ITGA1: variants seen among roughly 807,000 people sequenced by gnomAD.
ITGA1 encodes integrin subunit alpha 1.
In ITGA1, 85 loss-of-function variants were observed where a neutral mutation model predicts 145.9. The observed-to-expected ratio is 0.58, with a 90% confidence interval of 0.49 to 0.70. The LOEUF (loss-of-function observed/expected upper bound fraction) is 0.70. Among genes scored for constraint, ITGA1 ranks in the 30% least tolerant of loss-of-function variants. ITGA1 has a pLI of 0.00. For synonymous variants in ITGA1, 520 were observed against 495.3 expected (o/e 1.05, Z -0.66); for missense variants, 1,351 against 1,418.7 (o/e 0.95, Z 0.77).
chr5:52,788,322 C>G lies in ITGA1; in HGVS notation c.-32C>G, dbSNP rs933086657. 4 of 1,485,434 alleles carry G rather than the reference C, an allele frequency of 2.7e-6. No individual in the cohort carries two copies. The African/African-American group carries it at 5.8e-5, about 22-fold the overall frequency. 92.0% of individuals were successfully genotyped at this position (1,485,434 alleles called of 1,614,324 possible). On this transcript the variant is annotated 5_prime_UTR_variant, in exon 1 of 29. Coordinates refer to ENST00000282588, the MANE Select transcript of ITGA1 (RefSeq NM_181501.2). ...CGCCCGGTCCTGCCCTGCGAACCAGCGCGGCCCCCTGGCGCTGAGGCTGCT... is the reference window on the plus strand; with the variant it reads ...CGCCCGGTCCTGCCCTGCGAACCAGGGCGGCCCCCTGGCGCTGAGGCTGCT...
intron 13 of ITGA1, 137 bp from the exon 14 acceptor site, chr5:52,910,025 C>A: frequency 2.4e-6 from 2 of 818,222 alleles, no homozygotes; most frequent in Non-Finnish European, 1.9e-6. Context: ...GATAGGCACA[C>A]TTTTTAAGAA....
At position 52,954,980 on chromosome 5, in the gene ITGA1, T is replaced by G. The variant is rs1751281440; in HGVS notation, c.*2529T>G. 1 of 152,214 alleles carries G rather than the reference T, an allele frequency of 6.6e-6. No homozygotes were observed. Among genetic ancestry groups the G allele is most frequent in the South Asian group, 2.1e-4 (1 of 4,830 alleles). 9.4% of individuals were successfully genotyped at this position (152,214 alleles called of 1,614,324 possible). On this transcript the variant is annotated 3_prime_UTR_variant, in exon 29 of 29. Transcript: ENST00000282588. ...CATTTAATTAGAAAAACAGGTGATA[T>G]TTAAGACTATTTATAAACTTATTGG...
At chr5:52,872,715 C>T (rs1026147217) in intron 6 of ITGA1, among the ~76,000 whole-genome samples, 1 of 151,922 alleles carries the variant, frequency 6.6e-6, no homozygotes, top group Admixed American at 6.6e-5. Flanking sequence ...TTCCTGGGCC[C>T]TTGCCTTCCT....
Position 52,864,961 on chromosome 5 carries a change from T to A in ITGA1, c.385-10T>A, listed in dbSNP as rs751226321. 7 of 1,599,464 alleles carry A rather than the reference T, an allele frequency of 4.4e-6. No homozygotes were observed. Among genetic ancestry groups the A allele is most frequent in the Non-Finnish European group, 6.0e-6 (7 of 1,174,116 alleles). ...CTAATGATTTCTAATTTTAAAACAA[T>A]TTTTTAAAGGCTTGTGGGCCCTTAT... On this transcript the variant is annotated splice_polypyrimidine_tract_variant and intron_variant, in intron 4 of 28. Coordinates refer to ENST00000282588, the MANE Select transcript of ITGA1 (RefSeq NM_181501.2).
chr5:52,907,608 A>T (rs747566777), intron 12 of ITGA1, among the ~76,000 whole-genome samples: 3 of 152,240 alleles, frequency 2.0e-5, no homozygotes, highest in Non-Finnish European at 2.9e-5. Context: ...ATTTTTTAAC[A>T]ATGACGTTTG....
intron 8 of ITGA1, among the ~76,000 whole-genome samples, chr5:52,891,841 A>G (rs1561239597): frequency 6.6e-6 from 1 of 151,964 alleles, no homozygotes; most frequent in Admixed American, 6.6e-5. Flanking sequence ...ATTTTTTTGC[A>G]TGTTAAATTT....
intron 1 of ITGA1, among the ~76,000 whole-genome samples, chr5:52,792,586 G>A (rs1777963972): frequency 6.6e-6 from 1 of 152,114 alleles, no homozygotes. Context: ...GTAGATAGAT[G>A]CTCCTCTAAC....
intron 2 of ITGA1, among the ~76,000 whole-genome samples, chr5:52,855,485 G>A (rs945598733): frequency 6.6e-6 from 1 of 151,580 alleles, no homozygotes; most frequent in Non-Finnish European, 1.5e-5. Flanking sequence ...TGCCTATTTT[G>A]TGCTTGGTAC....
chr5:52,800,520 C>T lies in ITGA1; in HGVS notation c.61+12106C>T, dbSNP rs745637916. On this transcript the variant is annotated intron_variant, in intron 1 of 28. Coordinates refer to ENST00000282588, the MANE Select transcript of ITGA1 (RefSeq NM_181501.2). Reference sequence around the variant, plus strand: ...AGGTGGGCGACAGCCTGCGCGCCTCCACCATCCGCAAGGTACAGACAGAGT... The same window carrying T: ...AGGTGGGCGACAGCCTGCGCGCCTCTACCATCCGCAAGGTACAGACAGAGT... 1.1e-5 allele frequency: 18 copies of T among 1,613,984 alleles called. No homozygotes were observed. In the South Asian group the frequency reaches 1.8e-4, roughly 16 times the overall value.
At chr5:52,867,525 G>T (rs1208288803) in intron 6 of ITGA1, among the ~76,000 whole-genome samples, 1 of 152,068 alleles carries the variant, frequency 6.6e-6, no homozygotes, top group Non-Finnish European at 1.5e-5. Flanking sequence ...AGGGTACAGG[G>T]CAGCCTGCAT....
chr5:52,823,260 A>G (rs918910222), intron 1 of ITGA1, among the ~76,000 whole-genome samples: 1 of 152,204 alleles, frequency 6.6e-6, no homozygotes, highest in Non-Finnish European at 1.5e-5. Context: ...GCTGGAGTGC[A>G]GTGGTACGAT....
chr5:52,852,825 A>T (rs976533509), intron 2 of ITGA1, among the ~76,000 whole-genome samples: 3 of 152,156 alleles, frequency 2.0e-5, no homozygotes, highest in African/African-American at 7.2e-5. Flanking sequence ...TTGTTGGCTG[A>T]ACAACTAAAT....
At chr5:52,920,940 A>G (rs747045176) in intron 17 of ITGA1, among the ~76,000 whole-genome samples, 21 of 151,656 alleles carry the variant, frequency 1.4e-4, no homozygotes, top group Non-Finnish European at 2.9e-4. Flanking sequence ...AGCGAAGGGG[A>G]AAATTATCTG....
intron 20 of ITGA1, among the ~76,000 whole-genome samples, chr5:52,928,533 T>C (rs1750847111): frequency 6.6e-6 from 1 of 152,220 alleles, no homozygotes; most frequent in East Asian, 1.9e-4. Flanking sequence ...CAATTGATTT[T>C]AGAACATTTT....
intron 2 of ITGA1, among the ~76,000 whole-genome samples, chr5:52,854,882 A>G (rs1214757994): frequency 6.6e-6 from 1 of 152,206 alleles, no homozygotes; most frequent in Non-Finnish European, 1.5e-5. Context: ...AGTTGATCAG[A>G]TGTTTCTCCA....
intron 1 of ITGA1, among the ~76,000 whole-genome samples, chr5:52,831,786 G>T (rs552732766): frequency 6.6e-6 from 1 of 151,698 alleles, no homozygotes; most frequent in Non-Finnish European, 1.5e-5. Context: ...ATTAATGTCC[G>T]CTGAATGAAT....
At chr5:52,801,870 G>C in intron 1 of ITGA1, 1 of 1,502,180 alleles carries the variant, frequency 6.7e-7, no homozygotes, top group Non-Finnish European at 9.0e-7. Flanking sequence ...AGACAATCTT[G>C]TGTTTCCTAA....
At chr5:52,843,271 T>C (rs1378984125) in intron 1 of ITGA1, among the ~76,000 whole-genome samples, 1 of 152,184 alleles carries the variant, frequency 6.6e-6, no homozygotes, top group Non-Finnish European at 1.5e-5. Context: ...AAAATAATGT[T>C]AATTCTATGA....
At chr5:52,898,427 A>T (rs746394183) in intron 11 of ITGA1, 44 bp downstream of exon 11, 4 of 1,488,094 alleles carry the variant, frequency 2.7e-6, no homozygotes, top group Non-Finnish European at 3.6e-6. Context: ...TTACTTTTCC[A>T]TTTTTTACCT....
Sources: allele counts gnomAD v4.1 joint callset (sites outside exome capture counted in the v4.1 genomes callset), GRCh38; gene constraint gnomAD v4.1.1; transcripts MANE v1.5; gene names NCBI Gene and HGNC (gene_info 2026-07-23, HGNC 2026-07-21).